The following LINGO2 variants were observed in gnomAD, a reference collection of about 807,000 sequenced individuals.
LINGO2 encodes leucine-rich repeat and immunoglobulin-like domain-containing nogo receptor-interacting protein 2.
In LINGO2, 14 loss-of-function variants were observed where a neutral mutation model predicts 30.6. The observed-to-expected ratio is 0.46, with a 90% CI of 0.30 to 0.72. The LOEUF (loss-of-function observed/expected upper bound fraction) is 0.72, where lower values mean the gene tolerates loss of function less well. Ranked by LOEUF, LINGO2 falls within the 30% of genes least tolerant of loss-of-function variation. The pLI is 0.07. For synonymous variants in LINGO2, 317 were observed against 288.5 expected, an observed-to-expected ratio of 1.10 and a Z score of -1.00; for missense variants, 729 against 751.7, an observed-to-expected ratio of 0.97 and a Z score of 0.35.
the LINGO2 span, among the ~76,000 whole-genome samples, chr9:28,936,118 T>C: frequency 1.3e-5 from 2 of 152,158 alleles, no homozygotes; most frequent in Non-Finnish European, 2.9e-5. Context: ...CAAACAAATT[T>C]TCACAATCAT....
At chr9:28,598,288 C>A (rs1328575216) in intron 1 of LINGO2, among the ~76,000 whole-genome samples, 1 of 151,942 alleles carries the variant, frequency 6.6e-6, no homozygotes, top group African/African-American at 2.4e-5. Flanking sequence ...TACACTCATT[C>A]ATACTTTTGT....
the LINGO2 span, among the ~76,000 whole-genome samples, chr9:28,903,757 A>T: frequency 6.6e-6 from 1 of 152,242 alleles, no homozygotes; most frequent in South Asian, 2.1e-4. Context: ...GGGATTACAG[A>T]TATGAGCCAC....
chr9:28,499,543 T>G (rs897193750), intron 1 of LINGO2, among the ~76,000 whole-genome samples: 7 of 152,182 alleles, frequency 4.6e-5, no homozygotes, highest in African/African-American at 1.2e-4. Context: ...CATATATGGT[T>G]TCAAACCCAG....
chr9:28,809,902 A>G, the LINGO2 span, among the ~76,000 whole-genome samples: 3 of 152,128 alleles, frequency 2.0e-5, no homozygotes, highest in Non-Finnish European at 4.4e-5. Flanking sequence ...TCTTCACTCC[A>G]GAGTTTCCAC....
At chr9:28,463,761 A>C (rs191602388) in intron 2 of LINGO2, among the ~76,000 whole-genome samples, 1 of 13,178 alleles carries the variant, frequency 7.6e-5, no homozygotes, top group Non-Finnish European at 1.3e-4. Flanking sequence ...AAATAAAATG[A>C]AAAAAAATGA....
chr9:28,024,121 C>A (rs549327501), intron 4 of LINGO2, among the ~76,000 whole-genome samples: 1 of 152,214 alleles, frequency 6.6e-6, no homozygotes. Context: ...CACTTCCAAG[C>A]TCTTTACCTG....
chr9:28,850,143 C>T, the LINGO2 span, among the ~76,000 whole-genome samples: 2 of 151,966 alleles, frequency 1.3e-5, no homozygotes, highest in Non-Finnish European at 2.9e-5. Flanking sequence ...ACAGTTACTT[C>T]TTATAATTAT....
At chr9:29,106,715 CCT>C in the LINGO2 span, among the ~76,000 whole-genome samples, 3 of 152,012 alleles carry the variant, frequency 2.0e-5, no homozygotes, top group Admixed American at 2.0e-4. Context: ...TAATTAAGCC[CCT>C]GTGATGTCAT....
At chr9:28,623,860 T>A (rs991299585) in intron 1 of LINGO2, among the ~76,000 whole-genome samples, 12 of 152,242 alleles carry the variant, frequency 7.9e-5, no homozygotes, top group African/African-American at 2.9e-4. Context: ...TGTATCCTCT[T>A]CAATTTCTTT....
At chr9:28,695,244 A>T in the LINGO2 span, among the ~76,000 whole-genome samples, 1 of 151,978 alleles carries the variant, frequency 6.6e-6, no homozygotes, top group African/African-American at 2.4e-5. Context: ...ATTTTGCTTC[A>T]TTAAGTGATA....
At chr9:28,635,129 C>T (rs1487291673) in intron 1 of LINGO2, among the ~76,000 whole-genome samples, 2 of 152,180 alleles carry the variant, frequency 1.3e-5, no homozygotes, top group African/African-American at 4.8e-5. Flanking sequence ...TGGACTCATT[C>T]ACTCTTGAAA....
At chr9:28,858,672 T>A in the LINGO2 span, among the ~76,000 whole-genome samples, 2 of 152,040 alleles carry the variant, frequency 1.3e-5, no homozygotes, top group East Asian at 3.9e-4. Flanking sequence ...AAAATACCCA[T>A]CTGCCTACCT....
intron 4 of LINGO2, among the ~76,000 whole-genome samples, chr9:28,107,773 T>C (rs1166273171): frequency 3.9e-5 from 6 of 152,154 alleles, no homozygotes; most frequent in African/African-American, 1.2e-4. Flanking sequence ...TCATAAATGA[T>C]TCATTTCTAA....
At chr9:28,259,471 T>G (rs1822492407) in intron 4 of LINGO2, among the ~76,000 whole-genome samples, 1 of 151,848 alleles carries the variant, frequency 6.6e-6, no homozygotes, top group African/African-American at 2.4e-5. Context: ...TGATTTTACT[T>G]GCCGATAGCT....
At chr9:28,208,141 C>T (rs1732917992) in intron 4 of LINGO2, among the ~76,000 whole-genome samples, 1 of 151,986 alleles carries the variant, frequency 6.6e-6, no homozygotes, top group Non-Finnish European at 1.5e-5. Flanking sequence ...TTCCTAAGAA[C>T]ATGTAGATTT....
chr9:28,173,075 T>C (rs1828647574), intron 4 of LINGO2, among the ~76,000 whole-genome samples: 1 of 152,146 alleles, frequency 6.6e-6, no homozygotes, highest in African/African-American at 2.4e-5. Context: ...CAGAGGCAGT[T>C]TTCCCCTTCA....
intron 4 of LINGO2, among the ~76,000 whole-genome samples, chr9:28,014,103 A>G (rs1822699165): frequency 6.6e-6 from 1 of 152,140 alleles, no homozygotes; most frequent in Admixed American, 6.6e-5. Flanking sequence ...GGACGTGGTT[A>G]CCACTCAGAA....
At chr9:29,117,765 T>C in the LINGO2 span, among the ~76,000 whole-genome samples, 1 of 152,244 alleles carries the variant, frequency 6.6e-6, no homozygotes, top group African/African-American at 2.4e-5. Context: ...TGTTCAGTAA[T>C]GAAGCTAAGT....
intron 4 of LINGO2, among the ~76,000 whole-genome samples, chr9:28,188,964 G>A (rs1819643941): frequency 6.6e-6 from 1 of 152,128 alleles, no homozygotes; most frequent in Non-Finnish European, 1.5e-5. Context: ...TAAGATTGGA[G>A]AGAGAGGTGG....
Sources: allele counts gnomAD v4.1 joint callset (sites outside exome capture counted in the v4.1 genomes callset), GRCh38; gene constraint gnomAD v4.1.1; transcripts MANE v1.5; gene names NCBI Gene and HGNC (gene_info 2026-07-23, HGNC 2026-07-21).